Variants in CORO2A observed in about 807,000 individuals in gnomAD.
The protein encoded by CORO2A is coronin 2A, also known as coronin-2A.
In CORO2A, 47 loss-of-function variants were observed where a neutral mutation model predicts 62.4. The observed-to-expected ratio is 0.75, with a 90% CI of 0.60 to 0.96. CORO2A has a LOEUF of 0.96. Ranked by LOEUF, CORO2A falls within the 40% of genes least tolerant of loss-of-function variation. CORO2A has a pLI of 0.00. For missense variants in CORO2A, 610 were observed against 684.1 expected (o/e 0.89, Z 1.21); for synonymous variants, 273 against 268.9 (o/e 1.02, Z -0.15).
intron 2 of CORO2A, among the ~76,000 whole-genome samples, chr9:98,152,816 C>T (rs1588002429): frequency 6.6e-6 from 1 of 152,102 alleles, no homozygotes; most frequent in Non-Finnish European, 1.5e-5. Context: ...TACTGAACAA[C>T]TGACCTTTAC....
chr9:98,155,146 T>C (rs1827785109), intron 2 of CORO2A, among the ~76,000 whole-genome samples: 1 of 152,168 alleles, frequency 6.6e-6, no homozygotes. Context: ...ACTAATGAGG[T>C]TGAGTAGTTT....
chr9:98,172,242 C>G (rs1020484765), intron 1 of CORO2A, among the ~76,000 whole-genome samples: 11 of 146,474 alleles, frequency 7.5e-5, no homozygotes, highest in African/African-American at 2.5e-4. Context: ...CTCAGCCCCA[C>G]GCCCTACTTC....
chr9:98,189,670 G>A (rs1828280932), intron 1 of CORO2A, among the ~76,000 whole-genome samples: 1 of 151,712 alleles, frequency 6.6e-6, no homozygotes. Flanking sequence ...ATCGGCCCAA[G>A]GTCACACAGT....
At chr9:98,128,494 C>T (rs1827359718) in intron 9 of CORO2A, 113 bp downstream of exon 9, 1 of 964,342 alleles carries the variant, frequency 1.0e-6, no homozygotes. Flanking sequence ...AAAGGCCGCT[C>T]TGTGGCTGCC....
At chr9:98,160,841 C>G (rs1379017736) in intron 1 of CORO2A, among the ~76,000 whole-genome samples, 6 of 151,138 alleles carry the variant, frequency 4.0e-5, no homozygotes, top group Non-Finnish European at 8.8e-5. Flanking sequence ...CTCCTATGAC[C>G]CGTTAGCCAG....
chr9:98,183,199 G>A (rs1828199154), intron 1 of CORO2A, among the ~76,000 whole-genome samples: 2 of 152,186 alleles, frequency 1.3e-5, no homozygotes, highest in South Asian at 4.1e-4. Flanking sequence ...CCTCACCTCT[G>A]CCTCCAACCC....
chr9:98,158,087 G>T (rs1207836727), intron 1 of CORO2A, among the ~76,000 whole-genome samples: 2 of 152,190 alleles, frequency 1.3e-5, no homozygotes, highest in Admixed American at 1.3e-4. Flanking sequence ...TCTCTTATCA[G>T]CTGGATGGCA....
chr9:98,174,415 G>A (rs1828081482), intron 1 of CORO2A, among the ~76,000 whole-genome samples: 1 of 152,164 alleles, frequency 6.6e-6, no homozygotes, highest in Admixed American at 6.5e-5. Context: ...ATTTCAGTCT[G>A]AACATAAGCT....
chr9:98,147,714 T>G (rs2795490), intron 2 of CORO2A, among the ~76,000 whole-genome samples: 101,527 of 152,062 alleles, frequency 0.67, 34,243 homozygotes, highest in African/African-American at 0.75. Context: ...TAAAAATAAA[T>G]TGACAGTTTC....
chr9:98,136,085 C>A (rs1827483211), intron 3 of CORO2A, among the ~76,000 whole-genome samples: 1 of 152,202 alleles, frequency 6.6e-6, no homozygotes, highest in Non-Finnish European at 1.5e-5. Context: ...TTCAGTCCCC[C>A]AACAGTCACG....
intron 2 of CORO2A, among the ~76,000 whole-genome samples, chr9:98,144,507 T>C (rs950611515): frequency 6.6e-6 from 1 of 152,198 alleles, no homozygotes; most frequent in South Asian, 2.1e-4. Context: ...CCAGACTGCA[T>C]GCAGGTGATG....
chr9:98,184,780 T>G (rs1029726717), intron 1 of CORO2A, among the ~76,000 whole-genome samples: 19 of 152,164 alleles, frequency 1.2e-4, no homozygotes, highest in Admixed American at 6.5e-5. Context: ...TAATGGCGGC[T>G]GTCTGTCTCT....
chr9:98,184,054 G>A (rs1277594316), intron 1 of CORO2A, among the ~76,000 whole-genome samples: 1 of 152,178 alleles, frequency 6.6e-6, no homozygotes, highest in Admixed American at 6.5e-5. Context: ...AAGTATACAG[G>A]AGGGTGTGTG....
At chr9:98,163,889 G>T (rs1014613766) in intron 1 of CORO2A, among the ~76,000 whole-genome samples, 1 of 152,068 alleles carries the variant, frequency 6.6e-6, no homozygotes, top group Non-Finnish European at 1.5e-5. Flanking sequence ...ACCCAAACTG[G>T]GCGTGGTGCA....
intron 1 of CORO2A, among the ~76,000 whole-genome samples, chr9:98,173,359 C>T (rs1234357641): frequency 1.3e-5 from 2 of 152,296 alleles, no homozygotes; most frequent in East Asian, 1.9e-4. Flanking sequence ...TCTGGGGGCG[C>T]GGAGGATTAT....
chr9:98,189,784 G>A (rs754737809), intron 1 of CORO2A, among the ~76,000 whole-genome samples: 15 of 152,204 alleles, frequency 9.9e-5, no homozygotes, highest in African/African-American at 1.7e-4. Context: ...CTCCGGTAAT[G>A]TAAGCTTCAG....
At chr9:98,132,365 T>A in intron 5 of CORO2A, 64 bp from the exon 6 acceptor site, 1 of 1,369,892 alleles carries the variant, frequency 7.3e-7, no homozygotes, top group Non-Finnish European at 1.0e-6. Context: ...CTGGGGTTTC[T>A]GGCCTCCCTG....
rs1827280768 is a variant in CORO2A at position 98,124,046 on chromosome 9, T to C, written c.*728A>G. ...TTTTTTTTTTGAGACAGACTTTTGC[T>C]CTTATTGCCCAGGTTAGAGTGCAGT... On this transcript the variant is annotated 3_prime_UTR_variant, in exon 12 of 12. Transcript: ENST00000375077. 7.0e-6 allele frequency: 1 copy of C among 142,678 alleles called. No homozygotes were observed. The highest frequency in any genetic ancestry group is 2.7e-5 in the African/African-American group (1 of 37,376). The allele number at this position is 142,678 out of a possible 1,614,324, so 8.8% of individuals were successfully genotyped here.
intron 1 of CORO2A, among the ~76,000 whole-genome samples, chr9:98,173,175 G>A (rs1457862525): frequency 2.6e-5 from 4 of 152,188 alleles, no homozygotes; most frequent in East Asian, 3.9e-4. Flanking sequence ...CGATTGTTGG[G>A]CCCCACCCTA....
Sources: allele counts gnomAD v4.1 joint callset (sites outside exome capture counted in the v4.1 genomes callset), GRCh38; gene constraint gnomAD v4.1.1; transcripts MANE v1.5; gene names NCBI Gene and HGNC (gene_info 2026-07-23, HGNC 2026-07-21).